CIB1: variants seen among roughly 807,000 people sequenced by gnomAD.
CIB1 encodes the protein calcium and integrin-binding protein 1.
CIB1 carries 19 observed loss-of-function variants against 25.0 expected under a neutral mutation model. The ratio of observed to expected loss-of-function variants is 0.76; its 90% CI spans 0.53 to 1.12. The LOEUF (loss-of-function observed/expected upper bound fraction) is 1.12, where lower values mean the gene tolerates loss of function less well. Among genes scored for constraint, CIB1 ranks in the 50% most tolerant of loss-of-function variants. The probability of loss-of-function intolerance (pLI) is 0.00; values close to 1 mark genes in which losing one functional copy is unlikely to be tolerated. For missense variants in CIB1, 236 were observed against 242.6 expected, an observed-to-expected ratio of 0.97 and a Z score of 0.18; for synonymous variants, 104 against 98.5, an observed-to-expected ratio of 1.06 and a Z score of -0.33.
chr15:90,236,681 G>A (rs1243356115), upstream of CIB1, among the ~76,000 whole-genome samples: 1 of 151,296 alleles, frequency 6.6e-6, no homozygotes, highest in Non-Finnish European at 1.5e-5. Context: ...TTACAGGAGT[G>A]CACCACCACG....
chr15:90,230,844 T>C (rs1962461665), intron 6 of CIB1, 90 bp downstream of exon 6: 1 of 1,170,508 alleles, frequency 8.5e-7, no homozygotes, highest in Admixed American at 1.7e-5. Flanking sequence ...TCTCTCACCC[T>C]GGCACCACCT....
the CIB1 span, among the ~76,000 whole-genome samples, chr15:90,247,874 G>A: frequency 1.3e-4 from 19 of 150,640 alleles, no homozygotes; most frequent in Non-Finnish European, 1.9e-4. Flanking sequence ...GACTACAGGC[G>A]CCCGCCACCA....
At chr15:90,234,971 T>A (rs1962601535), upstream of CIB1, among the ~76,000 whole-genome samples, 1 of 152,236 alleles carries the variant, frequency 6.6e-6, no homozygotes, top group Non-Finnish European at 1.5e-5. Flanking sequence ...ATCCTTCCAA[T>A]CCATTATACT....
the CIB1 span, chr15:90,265,686 G>T: frequency 4.3e-6 from 7 of 1,612,328 alleles, no homozygotes; most frequent in African/African-American, 8.0e-5. Context: ...TTTCGTAGCC[G>T]ACTGCTGAAG....
the CIB1 span, among the ~76,000 whole-genome samples, chr15:90,246,562 G>A: frequency 6.6e-6 from 1 of 151,902 alleles, no homozygotes; most frequent in South Asian, 2.1e-4. Context: ...ACCCAAGCAG[G>A]TGGATCACCT....
the CIB1 span, among the ~76,000 whole-genome samples, chr15:90,256,606 TTTCC>T: frequency 0.046 from 1,380 of 30,244 alleles, 29 homozygotes; most frequent in South Asian, 0.065. Context: ...TCTTTCTTTC[TTTCC>T]TTCCTTCCTT....
the CIB1 span, chr15:90,243,692 A>G: frequency 8.1e-6 from 1 of 122,892 alleles, no homozygotes; most frequent in South Asian, 2.6e-4. Context: ...ACTGTCACCC[A>G]GGCTGGAGTG....
chr15:90,240,619 C>T, the CIB1 span, among the ~76,000 whole-genome samples: 1 of 152,150 alleles, frequency 6.6e-6, no homozygotes, highest in Non-Finnish European at 1.5e-5. Flanking sequence ...TCAAGACCAG[C>T]CTGGCCAACA....
At position 90,231,425 on chromosome 15, in the gene CIB1, T is replaced by C. The variant is rs1325233606; in HGVS notation, c.278A>G (p.Asp93Gly). 2 of 1,614,054 alleles carry C rather than the reference T, an allele frequency of 1.2e-6. No homozygotes were observed. The highest frequency in any genetic ancestry group is 3.3e-5 in the Admixed American group (2 of 60,000). ...KDSLSFEDFL[D>G]LLSVFSDTAT... Reference sequence around the variant, plus strand: ...TGTGTCACTGAACACACTGAGGAGATCCAGGAAGTCCTCAAAGCTAAGGCT... The same window carrying C: ...TGTGTCACTGAACACACTGAGGAGACCCAGGAAGTCCTCAAAGCTAAGGCT... Residue 93 changes from aspartate (D) to glycine (G), a missense_variant, in exon 4 of 7, where the codon GAT becomes GGT. By Grantham distance (94) the Asp-to-Gly change is moderately conservative. Coordinates refer to ENST00000328649, the MANE Select transcript of CIB1 (RefSeq NM_006384.4).
the CIB1 span, chr15:90,262,835 A>C: frequency 8.0e-7 from 1 of 1,249,616 alleles, no homozygotes; most frequent in Non-Finnish European, 1.1e-6. Flanking sequence ...GAGAGAATGG[A>C]CAGCAAAAGG....
chr15:90,233,569 C>A, intron 2 of CIB1, 100 bp downstream of exon 2: 1 of 1,431,958 alleles, frequency 7.0e-7, no homozygotes, highest in South Asian at 1.2e-5. Context: ...CGCTCCTCTG[C>A]AGACCTCAGG....
At chr15:90,230,567 C>T in intron 6 of CIB1, 62 bp from the exon 7 acceptor site, 1 of 1,523,478 alleles carries the variant, frequency 6.6e-7, no homozygotes, top group Non-Finnish European at 8.9e-7. Flanking sequence ...TAAACCCGAA[C>T]TTGCCCCCTT....
chr15:90,251,716 T>A, the CIB1 span: 1 of 1,019,146 alleles, frequency 9.8e-7, no homozygotes. Context: ...GGCTTGCCTC[T>A]AACCTGTACT....
the CIB1 span, chr15:90,262,530 A>G: frequency 6.6e-7 from 1 of 1,526,332 alleles, no homozygotes; most frequent in East Asian, 2.4e-5. Flanking sequence ...CAGGAACAGC[A>G]GGAGACCTCG....
chr15:90,248,021 G>A, the CIB1 span, among the ~76,000 whole-genome samples: 1 of 151,972 alleles, frequency 6.6e-6, no homozygotes, highest in East Asian at 1.9e-4. Context: ...GATTACAGGC[G>A]TGAGCCATCA....
upstream of CIB1, among the ~76,000 whole-genome samples, chr15:90,237,022 G>A (rs141302809): frequency 0.014 from 2,068 of 150,996 alleles, 61 homozygotes; most frequent in African/African-American, 0.047. Flanking sequence ...GCAGTGGTGC[G>A]ATCTTAGCTC....
At chr15:90,265,606 T>C in the CIB1 span, 2 of 1,457,016 alleles carry the variant, frequency 1.4e-6, no homozygotes, top group African/African-American at 1.4e-5. Flanking sequence ...AAGCGGGAAA[T>C]AACTTGCTAC....
chr15:90,242,222 A>T, the CIB1 span: 1 of 444,180 alleles, frequency 2.3e-6, no homozygotes, highest in Non-Finnish European at 4.0e-6. Flanking sequence ...TGAGTAGCTG[A>T]GACTATAGGC....
At chr15:90,265,649 G>A in the CIB1 span, 2 of 1,592,724 alleles carry the variant, frequency 1.3e-6, no homozygotes, top group Admixed American at 3.4e-5. Context: ...TTCCACTTCC[G>A]GTCTTACCCG....
Sources: allele counts gnomAD v4.1 joint callset (sites outside exome capture counted in the v4.1 genomes callset), GRCh38; gene constraint gnomAD v4.1.1; transcripts MANE v1.5; gene names NCBI Gene and HGNC (gene_info 2026-07-23, HGNC 2026-07-21).